The following TNFRSF10D variants were observed in gnomAD, a reference collection of about 807,000 sequenced individuals.
TNFRSF10D encodes the protein TNF receptor superfamily member 10d.
In TNFRSF10D, 28 loss-of-function variants were observed where a neutral mutation model predicts 42.1. The observed-to-expected ratio is 0.66, with a 90% CI of 0.49 to 0.91. The LOEUF is 0.91. Ranked by LOEUF, TNFRSF10D falls within the 40% of genes least tolerant of loss-of-function variation. The probability of loss-of-function intolerance (pLI) is 0.00; values close to 1 mark genes in which losing one functional copy is unlikely to be tolerated. For missense variants in TNFRSF10D, 503 were observed against 486.1 expected, an observed-to-expected ratio of 1.03 and a Z score of -0.33; for synonymous variants, 186 against 189.4, an observed-to-expected ratio of 0.98 and a Z score of 0.15.
chr8:23,140,856 C>T lies in TNFRSF10D; in HGVS notation c.955-2596G>A, dbSNP rs1217498869. ...CATGTGGAACTGTGAGTCCATTAAA[C>T]CTCTTTTTCTTTATAAATTACCCAG... On this transcript the variant is annotated intron_variant, in intron 7 of 8. Coordinates refer to ENST00000312584, the MANE Select transcript of TNFRSF10D (RefSeq NM_003840.5). 3.9e-5 allele frequency among the ~76,000 whole-genome samples: 6 copies of T among 152,270 alleles called. No homozygotes were observed. In the East Asian group the frequency reaches 1.2e-3, roughly 29 times the overall value.
chr8:23,163,884 G>C lies in TNFRSF10D; in HGVS notation c.52C>G (p.Arg18Gly). The change falls in exon 1 of 9, where the codon CGC becomes GGC. Residue 18 changes from arginine (R) to glycine (G), a missense_variant. Physicochemically the swap from Arg to Gly is moderately radical, Grantham distance 125. Coordinates refer to ENST00000312584, the MANE Select transcript of TNFRSF10D (RefSeq NM_003840.5). ...GACGCTGTCCTGGCTCCTGGATAGCGCCCTGCTCGAGCGCTCGAGGCGGTC... is the reference window on the plus strand; with the variant it reads ...GACGCTGTCCTGGCTCCTGGATAGCCCCCTGCTCGAGCGCTCGAGGCGGTC... ...VPTASSARAG[R>G]YPGARTASGT... 9.4e-6 allele frequency: 15 copies of C among 1,597,252 alleles called. No individual in the cohort carries two copies. Among genetic ancestry groups the C allele is most frequent in the Non-Finnish European group, 1.2e-5 (14 of 1,173,886 alleles).
In TNFRSF10D at chr8:23,139,704, G is replaced by T. The variant is rs181977447; in HGVS notation, c.955-1444C>A. On this transcript the variant is annotated intron_variant, in intron 7 of 8. Coordinates refer to ENST00000312584, the MANE Select transcript of TNFRSF10D (RefSeq NM_003840.5). The stretch of plus-strand genomic sequence containing the variant: ...AGAGCACTCAGGCAAGAGAAAGAAA[G>T]AAAAGGCATCCAGATATGAAATGAA... 2.2e-3 allele frequency among the ~76,000 whole-genome samples: 340 copies of T among 152,214 alleles called. 2 individuals carry two copies. The highest frequency in any genetic ancestry group is 6.8e-3 in the Middle Eastern group (2 of 294).
At chr8:23,138,286 T>C (rs1814377887) in intron 7 of TNFRSF10D, 26 bp from the exon 8 acceptor site, 1 of 1,614,098 alleles carries the variant, frequency 6.2e-7, no homozygotes, top group Admixed American at 1.7e-5. Context: ...GGGAATGCTC[T>C]GGTCAGAGTC....
At chr8:23,163,186 G>A (rs887260699) in intron 1 of TNFRSF10D, among the ~76,000 whole-genome samples, 1 of 132,854 alleles carries the variant, frequency 7.5e-6, no homozygotes, top group South Asian at 2.5e-4. Context: ...TGCAACCTCC[G>A]CCTCCCGGAT....
chr8:23,146,946 T>G lies in TNFRSF10D; in HGVS notation c.482+15A>C. ...GTTCCTGAAAGCTGTTGGGAGCCCC[T>G]GGCTGCTGTCTTACCCTGTTCTACA... On this transcript the variant is annotated intron_variant, in intron 4 of 8. Coordinates refer to ENST00000312584, the MANE Select transcript of TNFRSF10D (RefSeq NM_003840.5). The G allele has an allele frequency of 6.2e-7, 1 of 1,608,390 alleles. No homozygotes were observed. Among genetic ancestry groups the G allele is most frequent in the Admixed American group, 1.7e-5 (1 of 59,950 alleles).
chr8:23,140,086 G>T (rs929993556), intron 7 of TNFRSF10D, among the ~76,000 whole-genome samples: 1 of 152,070 alleles, frequency 6.6e-6, no homozygotes, highest in Non-Finnish European at 1.5e-5. Flanking sequence ...TCAGGAGATC[G>T]AGACCATCCT....
chr8:23,148,994 TC>T (rs1258920653), intron 2 of TNFRSF10D, among the ~76,000 whole-genome samples: 3 of 151,366 alleles, frequency 2.0e-5, no homozygotes, highest in Non-Finnish European at 4.4e-5. Context: ...ATCGAGACCA[TC>T]CTGGCTAACA....
chr8:23,158,641 T>C (rs1020015916), intron 1 of TNFRSF10D, among the ~76,000 whole-genome samples: 3 of 152,236 alleles, frequency 2.0e-5, no homozygotes, highest in Non-Finnish European at 4.4e-5. Context: ...TACTCCTTTT[T>C]CCCCTGCACA....
At position 23,148,985 on chromosome 8, in the gene TNFRSF10D, T is replaced by C. The variant is rs191210244; in HGVS notation, c.257-434A>G. ...GCGGACGAATCACGAGGTCAGGAGA[T>C]CGAGACCATCCTGGCTAACACAGTG... On this transcript the variant is annotated intron_variant, in intron 2 of 8. Coordinates refer to ENST00000312584, the MANE Select transcript of TNFRSF10D (RefSeq NM_003840.5). 8.7e-3 allele frequency among the ~76,000 whole-genome samples: 1,326 copies of C among 151,564 alleles called. 14 individuals are homozygous for C. The highest frequency in any genetic ancestry group is 0.017 in the Middle Eastern group (5 of 292).
chr8:23,147,584 G>A (rs1239757504), intron 3 of TNFRSF10D, among the ~76,000 whole-genome samples: 2 of 152,286 alleles, frequency 1.3e-5, no homozygotes, highest in African/African-American at 4.8e-5. Flanking sequence ...CCCCCACCCG[G>A]CTGCAGGCAA....
intron 2 of TNFRSF10D, among the ~76,000 whole-genome samples, chr8:23,149,405 T>G (rs1230546869): frequency 1.3e-5 from 2 of 151,388 alleles, no homozygotes; most frequent in Non-Finnish European, 2.9e-5. Flanking sequence ...GCCCAGCTAA[T>G]TTTTTGTATT....
chr8:23,154,608 A>G (rs139740097), intron 2 of TNFRSF10D, among the ~76,000 whole-genome samples: 69 of 150,418 alleles, frequency 4.6e-4, no homozygotes, highest in African/African-American at 1.7e-3. Context: ...CACGGATGCA[A>G]CACCCACAGA....
intron 7 of TNFRSF10D, among the ~76,000 whole-genome samples, chr8:23,139,846 A>G (rs1814412984): frequency 6.6e-6 from 1 of 152,212 alleles, no homozygotes; most frequent in Non-Finnish European, 1.5e-5. Context: ...TACAAAATCA[A>G]TGTATAAAAA....
intron 2 of TNFRSF10D, among the ~76,000 whole-genome samples, chr8:23,150,650 A>C (rs1410584088): frequency 6.6e-6 from 1 of 152,282 alleles, no homozygotes; most frequent in Non-Finnish European, 1.5e-5. Context: ...TAGACAACTA[A>C]GTCATGTCAG....
intron 7 of TNFRSF10D, among the ~76,000 whole-genome samples, chr8:23,139,753 A>G (rs186207231): frequency 8.9e-4 from 135 of 152,310 alleles, no homozygotes; most frequent in African/African-American, 3.1e-3. Flanking sequence ...TTCATGGACG[A>G]TATGATTCTA....
At chr8:23,138,085 C>A in intron 8 of TNFRSF10D, 82 bp from the exon 9 acceptor site, 1 of 1,608,292 alleles carries the variant, frequency 6.2e-7, no homozygotes, top group South Asian at 1.1e-5. Flanking sequence ...CTGCTTCCAG[C>A]AGTGAAACCT....
At chr8:23,156,483 A>G (rs889890693) in intron 1 of TNFRSF10D, among the ~76,000 whole-genome samples, 4 of 152,076 alleles carry the variant, frequency 2.6e-5, no homozygotes, top group Admixed American at 6.5e-5. Flanking sequence ...CTCTAGGTTC[A>G]GGCGATGTCT....
chr8:23,163,734 TC>T, intron 1 of TNFRSF10D, 51 bp downstream of exon 1: 1 of 1,586,294 alleles, frequency 6.3e-7, no homozygotes, highest in Non-Finnish European at 8.6e-7. Context: ...CCCTGCCCAC[TC>T]CCGGCGCCAG....
In TNFRSF10D at chr8:23,135,912, C is replaced by A; in HGVS notation, c.*1958G>T. The A allele has an allele frequency of 6.7e-6, 3 of 450,500 alleles. No homozygotes were observed. Among genetic ancestry groups the A allele is most frequent in the Non-Finnish European group, 4.4e-6 (1 of 224,836 alleles). 27.9% of individuals were successfully genotyped at this position (450,500 alleles called of 1,614,324 possible). A position where few individuals can be genotyped will look rare whatever the true frequency, so the allele number is the denominator to read the frequency against. ...CCCAGCAAAGGCAAAGACTAGGAGGCAGCAGCACCCTGTGTCATCCAGAAG... is the reference window on the plus strand; with the variant it reads ...CCCAGCAAAGGCAAAGACTAGGAGGAAGCAGCACCCTGTGTCATCCAGAAG... On this transcript the variant is annotated 3_prime_UTR_variant, in exon 9 of 9. Coordinates refer to ENST00000312584, the MANE Select transcript of TNFRSF10D (RefSeq NM_003840.5).
Sources: allele counts gnomAD v4.1 joint callset (sites outside exome capture counted in the v4.1 genomes callset), GRCh38; gene constraint gnomAD v4.1.1; transcripts MANE v1.5; gene names NCBI Gene and HGNC (gene_info 2026-07-23, HGNC 2026-07-21).